TASP1: variants seen among roughly 807,000 people sequenced by gnomAD.
TASP1 encodes the protein threonine aspartase 1.
A neutral mutation model predicts 56.6 loss-of-function variants in TASP1; 16 were observed. The observed-to-expected ratio is 0.28, with a 90% CI of 0.19 to 0.43. The LOEUF (loss-of-function observed/expected upper bound fraction) is 0.43, where lower values mean the gene tolerates loss of function less well. TASP1 is among the 20% of genes least tolerant of loss of function. The pLI is 1.00. For missense variants in TASP1, 393 were observed against 511.6 expected (o/e 0.77, Z 2.24); for synonymous variants, 179 against 184.2 (o/e 0.97, Z 0.23).
chr20:13,474,530 G>A (rs535856827), intron 11 of TASP1, among the ~76,000 whole-genome samples: 34 of 151,964 alleles, frequency 2.2e-4, no homozygotes, highest in African/African-American at 6.3e-4. Flanking sequence ...TTATCCACTC[G>A]TTAGTCAATG....
intron 11 of TASP1, among the ~76,000 whole-genome samples, chr20:13,475,431 C>T (rs1383363843): frequency 6.6e-6 from 1 of 152,130 alleles, no homozygotes; most frequent in African/African-American, 2.4e-5. Context: ...TCATCTGGTA[C>T]ATACATAGAA....
At chr20:13,263,431 T>C in the TASP1 span, among the ~76,000 whole-genome samples, 1 of 152,132 alleles carries the variant, frequency 6.6e-6, no homozygotes, top group African/African-American at 2.4e-5. Context: ...GCCGATTTTA[T>C]GGTCTAAAAC....
the TASP1 span, among the ~76,000 whole-genome samples, chr20:13,145,739 A>G: frequency 6.6e-6 from 1 of 152,212 alleles, no homozygotes; most frequent in African/African-American, 2.4e-5. Flanking sequence ...ACTTCACACT[A>G]TACTACAAGG....
At chr20:13,254,314 A>G in the TASP1 span, among the ~76,000 whole-genome samples, 2 of 151,910 alleles carry the variant, frequency 1.3e-5, no homozygotes, top group Non-Finnish European at 2.9e-5. Flanking sequence ...CCATATACAT[A>G]TACTTTAAAT....
chr20:13,627,915 A>G (rs886631477), intron 2 of TASP1, among the ~76,000 whole-genome samples: 19 of 152,188 alleles, frequency 1.2e-4, no homozygotes, highest in Non-Finnish European at 2.5e-4. Flanking sequence ...CACAAAGTAA[A>G]AAGTAATCTT....
chr20:13,503,290 G>A (rs1320368885), intron 10 of TASP1, among the ~76,000 whole-genome samples: 1 of 151,978 alleles, frequency 6.6e-6, no homozygotes, highest in Non-Finnish European at 1.5e-5. Flanking sequence ...CCCCAAGCAT[G>A]ACCCCATGGA....
the TASP1 span, among the ~76,000 whole-genome samples, chr20:13,197,462 G>T: frequency 4.6e-5 from 7 of 152,126 alleles, no homozygotes; most frequent in Non-Finnish European, 5.9e-5. Context: ...TCCCATAACT[G>T]CCACTAAATG....
chr20:13,573,944 G>A (rs138915333), intron 6 of TASP1, among the ~76,000 whole-genome samples: 5 of 152,094 alleles, frequency 3.3e-5, no homozygotes, highest in East Asian at 1.9e-4. Context: ...TGACATAGTC[G>A]GGCATCCAGA....
the TASP1 span, among the ~76,000 whole-genome samples, chr20:13,313,907 G>A: frequency 6.6e-6 from 1 of 152,096 alleles, no homozygotes; most frequent in African/African-American, 2.4e-5. Context: ...AAATAAACTG[G>A]CAATGTAAGC....
chr20:13,167,750 C>T, the TASP1 span: 1 of 152,130 alleles, frequency 6.6e-6, no homozygotes. Flanking sequence ...AGGAAGCTGG[C>T]TAAAATCCAT....
intron 6 of TASP1, among the ~76,000 whole-genome samples, chr20:13,578,436 C>A (rs983460092): frequency 6.6e-6 from 1 of 152,056 alleles, no homozygotes; most frequent in Admixed American, 6.5e-5. Context: ...AAAGGACATA[C>A]TGTCTTTTAA....
At position 13,414,180 on chromosome 20, in the gene TASP1, T is replaced by G. The variant is rs538195004; in HGVS notation, c.1170+3268A>C. 6.6e-5 allele frequency among the ~76,000 whole-genome samples: 10 copies of G among 152,322 alleles called. No individual in the cohort carries two copies. The South Asian group carries it at 2.1e-3, about 32-fold the overall frequency. The stretch of plus-strand genomic sequence containing the variant: ...AGCCTGTCTTTTATGACATTGACAT[T>G]ATTGAAGAACACGTTTCTTTCTTTC... On this transcript the variant is annotated intron_variant, in intron 13 of 13. Transcript: ENST00000337743.
intron 4 of TASP1, among the ~76,000 whole-genome samples, chr20:13,608,045 A>G (rs1482690438): frequency 6.6e-6 from 1 of 152,222 alleles, no homozygotes; most frequent in African/African-American, 2.4e-5. Context: ...TCTAAAGCTG[A>G]GAAAGGTGGG....
intron 8 of TASP1, among the ~76,000 whole-genome samples, chr20:13,535,168 G>A (rs1242321636): frequency 1.3e-5 from 2 of 152,126 alleles, no homozygotes; most frequent in African/African-American, 4.8e-5. Context: ...GCAGGACTTG[G>A]TTGGTACTGA....
At chr20:13,222,608 C>T in the TASP1 span, among the ~76,000 whole-genome samples, 6 of 152,136 alleles carry the variant, frequency 3.9e-5, no homozygotes, top group Non-Finnish European at 5.9e-5. Flanking sequence ...AAGTCTTTCT[C>T]CCAAGGATCT....
intron 11 of TASP1, among the ~76,000 whole-genome samples, chr20:13,461,070 C>T (rs916722898): frequency 9.9e-5 from 15 of 152,158 alleles, no homozygotes; most frequent in Admixed American, 6.6e-5. Flanking sequence ...ACACAGGCCT[C>T]CCTGCCATCC....
chr20:13,429,956 T>C (rs897880647), intron 12 of TASP1, among the ~76,000 whole-genome samples: 2 of 151,926 alleles, frequency 1.3e-5, no homozygotes, highest in South Asian at 4.2e-4. Context: ...TGCAGAGTTG[T>C]TATATAGAAA....
chr20:13,123,046 C>T, the TASP1 span, among the ~76,000 whole-genome samples: 2 of 152,172 alleles, frequency 1.3e-5, no homozygotes, highest in Non-Finnish European at 2.9e-5. Flanking sequence ...ATTAACAATA[C>T]TCGGCCAGGC....
At chr20:13,370,424 T>C in the TASP1 span, among the ~76,000 whole-genome samples, 1 of 152,162 alleles carries the variant, frequency 6.6e-6, no homozygotes, top group Non-Finnish European at 1.5e-5. Context: ...TGTATAATTG[T>C]ACAACAGCTA....
Sources: allele counts gnomAD v4.1 joint callset (sites outside exome capture counted in the v4.1 genomes callset), GRCh38; gene constraint gnomAD v4.1.1; transcripts MANE v1.5; gene names NCBI Gene and HGNC (gene_info 2026-07-23, HGNC 2026-07-21).